Variants in DYNC1H1 observed in about 807,000 individuals in gnomAD.
DYNC1H1 encodes dynein cytoplasmic 1 heavy chain 1, also known as cytoplasmic dynein 1 heavy chain 1.
DYNC1H1 carries 51 observed loss-of-function variants against 527.1 expected under a neutral mutation model. That is an observed-to-expected ratio of 0.10 (90% CI 0.08 to 0.12). DYNC1H1 has a LOEUF of 0.12. Among genes scored for constraint, DYNC1H1 ranks in the 10% least tolerant of loss-of-function variants. The pLI is 1.00. For missense variants in DYNC1H1, 2,771 were observed against 5,971.8 expected (o/e 0.46, Z 17.66); for synonymous variants, 2,189 against 2,278.8 (o/e 0.96, Z 1.12).
Position 102,001,456 on chromosome 14 carries a change from T to C in DYNC1H1, c.4396-79T>C. On this transcript the variant is annotated intron_variant, in intron 20 of 77. Transcript: ENST00000360184. The surrounding 1 kb of genome is among the most constrained non-coding windows in gnomAD (Gnocchi z 5.0). ...GCCTTGTCATCTGTGGTCCTTTTGG[T>C]TCTTATAATGCTGGGTCCCTTGTGC... The C allele has an allele frequency of 6.2e-7, 1 of 1,613,496 alleles. No homozygotes were observed. Among genetic ancestry groups the C allele is most frequent in the Non-Finnish European group, 8.5e-7 (1 of 1,179,522 alleles).
intron 56 of DYNC1H1, chr14:102,035,306 G>T (rs1232193490): frequency 1.3e-5 from 2 of 152,204 alleles, no homozygotes; most frequent in African/African-American, 4.8e-5. Flanking sequence ...TCTGTTACAA[G>T]AACTGAAAAT....
chr14:102,038,508 GT>G lies in DYNC1H1; in HGVS notation c.10958del (p.Val3653GlyfsTer9). ...TTTGAACCCGGTGCTGAACCGTGAA[GT>G]GCGGCGAACAGGGGGGAGAGTGCTG... Reference protein sequence around the residue: ...PVLNPVLNREVRRTGGRVLIT... With the variant: ...PVLNPVLNREXRRTGGRVLIT... On this transcript the variant is annotated frameshift_variant, in exon 58 of 78. Coordinates refer to ENST00000360184, the MANE Select transcript of DYNC1H1 (RefSeq NM_001376.5). LOFTEE classifies it high-confidence loss of function. The surrounding 1 kb of genome is among the most constrained non-coding windows in gnomAD (Gnocchi z 7.2). 1 of 1,614,162 alleles carries G rather than the reference GT, an allele frequency of 6.2e-7. No homozygotes were observed. Among genetic ancestry groups the G allele is most frequent in the Non-Finnish European group, 8.5e-7 (1 of 1,180,036 alleles).
chr14:102,014,359 C>A (rs777286059), intron 34 of DYNC1H1, among the ~76,000 whole-genome samples: 1 of 152,068 alleles, frequency 6.6e-6, no homozygotes, highest in Non-Finnish European at 1.5e-5. Context: ...CATGATGAAA[C>A]CCCGTCTCTA....
rs1060502203 is a variant in DYNC1H1, at chr14:101,979,316, T to G, written c.345-3T>G. ...TAATTTCTTGTTTTATTTTTCTTTT[T>G]AGCTTGGCATTCATTAAACGTACTC... On this transcript the variant is annotated splice_polypyrimidine_tract_variant and splice_region_variant and intron_variant, in intron 2 of 77. Transcript: ENST00000360184. This position sits in a 1 kb window ranked among gnomAD's most constrained non-coding sequence, Gnocchi z 4.6. The G allele has an allele frequency of 6.2e-7, 1 of 1,613,982 alleles. No individual in the cohort carries two copies. The highest frequency in any genetic ancestry group is 8.5e-7 in the Non-Finnish European group (1 of 1,179,988).
Position 102,044,186 on chromosome 14 carries a change from G to A in DYNC1H1, c.12685-88G>A. ...GCCAAAGCCTAGCTGGCCATGGGGA[G>A]TGAGGAGGAAAGCTGTGCCCCTCGA... On this transcript the variant is annotated intron_variant, in intron 70 of 77. Coordinates refer to ENST00000360184, the MANE Select transcript of DYNC1H1 (RefSeq NM_001376.5). This position sits in a 1 kb window ranked among gnomAD's most constrained non-coding sequence, Gnocchi z 7.1. 1 of 1,587,888 alleles carries A rather than the reference G, an allele frequency of 6.3e-7. No homozygotes were observed. The highest frequency in any genetic ancestry group is 8.6e-7 in the Non-Finnish European group (1 of 1,167,950).
At position 102,044,505 on chromosome 14, in the gene DYNC1H1, T is replaced by C; in HGVS notation, c.12902+14T>C. 6.2e-7 allele frequency: 1 copy of C among 1,614,168 alleles called. No homozygotes were observed. ...AGATGGCATCAGGTATGCTGCTGCC[T>C]GCTGGAATGGAGACAGTTGTGATGT... On this transcript the variant is annotated intron_variant, in intron 71 of 77. Coordinates refer to ENST00000360184, the MANE Select transcript of DYNC1H1 (RefSeq NM_001376.5). The surrounding 1 kb of genome is among the most constrained non-coding windows in gnomAD (Gnocchi z 7.1).
rs1319945081 is a variant in DYNC1H1, at chr14:101,997,384, A to G, written c.3804+110A>G. The G allele has an allele frequency of 1.7e-5, 27 of 1,557,500 alleles. No homozygotes were observed. The East Asian group carries it at 6.0e-4, about 35-fold the overall frequency. On this transcript the variant is annotated intron_variant, in intron 16 of 77. Coordinates refer to ENST00000360184, the MANE Select transcript of DYNC1H1 (RefSeq NM_001376.5). This position sits in a 1 kb window ranked among gnomAD's most constrained non-coding sequence, Gnocchi z 4.8. ...CTGTGACTGAGCTTTCTAGTATTGAAGACTCTTTTCCTTTTTGTAGTTAAA... is the reference window on the plus strand; with the variant it reads ...CTGTGACTGAGCTTTCTAGTATTGAGGACTCTTTTCCTTTTTGTAGTTAAA...
chr14:102,046,020 T>C (rs538826839), intron 72 of DYNC1H1, among the ~76,000 whole-genome samples: 8 of 151,974 alleles, frequency 5.3e-5, no homozygotes, highest in African/African-American at 1.9e-4. Flanking sequence ...CAAAAAAAAT[T>C]AGCCGGGTGT....
At position 101,964,654 on chromosome 14, in the gene DYNC1H1, CCTT is replaced by C; in HGVS notation, c.-35_-33del. Reference sequence around the variant, plus strand: ...TGGCTGTCTCGCTGAGTCGCGGCCGCCTTCTCATCGCTCCTGGAAGGTCCCGAG... The same window carrying C: ...TGGCTGTCTCGCTGAGTCGCGGCCGCCTCATCGCTCCTGGAAGGTCCCGAG... On this transcript the variant is annotated 5_prime_UTR_variant, in exon 1 of 78. Coordinates refer to ENST00000360184, the MANE Select transcript of DYNC1H1 (RefSeq NM_001376.5). This position sits in a 1 kb window ranked among gnomAD's most constrained non-coding sequence, Gnocchi z 5.5. The C allele has an allele frequency of 6.4e-7, 1 of 1,560,344 alleles. No homozygotes were observed.
At position 102,049,909 on chromosome 14, in the gene DYNC1H1, G is replaced by A. The variant is rs775791187; in HGVS notation, c.13684+27G>A. The A allele has an allele frequency of 2.5e-6, 4 of 1,578,338 alleles. No individual in the cohort carries two copies. Among genetic ancestry groups the A allele is most frequent in the Non-Finnish European group, 8.5e-7 (1 of 1,170,128 alleles). ...TGAGTGGAGTCTCACAGAAAATACT[G>A]GCTCTTTGCAGGTGACCTCGGTGGC... is the stretch of plus-strand genomic sequence containing the variant. On this transcript the variant is annotated intron_variant, in intron 76 of 77. Transcript: ENST00000360184. The surrounding 1 kb of genome is among the most constrained non-coding windows in gnomAD (Gnocchi z 5.5).
rs2048191119 is a variant in DYNC1H1, at chr14:102,005,847, T to G, written c.5434-41T>G. 6.2e-7 allele frequency: 1 copy of G among 1,613,202 alleles called. No individual in the cohort carries two copies. Among genetic ancestry groups the G allele is most frequent in the Non-Finnish European group, 8.5e-7 (1 of 1,179,318 alleles). On this transcript the variant is annotated intron_variant, in intron 26 of 77. Transcript: ENST00000360184. This position sits in a 1 kb window ranked among gnomAD's most constrained non-coding sequence, Gnocchi z 4.0. ...AAACCCGGAGAATGCACTGTATTGC[T>G]TTAGTGTAGATGAACTTTTAAAGTG...
rs1213446100 is a variant in DYNC1H1 at position 102,039,844 on chromosome 14, A to C, written c.11690+112A>C. ...TTTTATTTTCTCTTTTATTTTCTTT[A>C]TTTTATTTTTTGAGACGGAGTCTCC... On this transcript the variant is annotated intron_variant, in intron 62 of 77. Coordinates refer to ENST00000360184, the MANE Select transcript of DYNC1H1 (RefSeq NM_001376.5). This position sits in a 1 kb window ranked among gnomAD's most constrained non-coding sequence, Gnocchi z 7.0. 13 of 1,233,718 alleles carry C rather than the reference A, an allele frequency of 1.1e-5. No individual in the cohort carries two copies. In the South Asian group the frequency reaches 1.6e-4, roughly 15 times the overall value. The allele number at this position is 1,233,718 out of a possible 1,614,324, so 76.4% of individuals were successfully genotyped here. A position where few individuals can be genotyped will look rare whatever the true frequency, so the allele number is the denominator to read the frequency against.
intron 1 of DYNC1H1, among the ~76,000 whole-genome samples, chr14:101,971,085 CTTTTTTTTTT>C (rs780745783): frequency 7.8e-5 from 5 of 64,072 alleles, no homozygotes; most frequent in African/African-American, 1.3e-4. Flanking sequence ...CCGTATCATT[CTTTTTTTTTT>C]TTTTTTTTTT....
At chr14:101,976,703 G>A (rs878932443) in intron 2 of DYNC1H1, among the ~76,000 whole-genome samples, 1 of 152,056 alleles carries the variant, frequency 6.6e-6, no homozygotes, top group Admixed American at 6.6e-5. Flanking sequence ...TCTATCTTCT[G>A]TTTGAGCTGT....
At chr14:101,988,625 C>G (rs2047962572) in intron 9 of DYNC1H1, 78 bp from the exon 10 acceptor site, 2 of 1,589,968 alleles carry the variant, frequency 1.3e-6, no homozygotes, top group Admixed American at 3.3e-5. Flanking sequence ...TCTGAAACAC[C>G]TACCACTTTC....
chr14:101,970,138 C>A (rs1177632159), intron 1 of DYNC1H1, among the ~76,000 whole-genome samples: 1 of 151,864 alleles, frequency 6.6e-6, no homozygotes, highest in Non-Finnish European at 1.5e-5. Flanking sequence ...CGGGAAATAC[C>A]AAAATGAGCT....
Position 102,036,555 on chromosome 14 carries a change from T to G in DYNC1H1, c.10821T>G (p.Arg3607=). ...TEFIMNEYKD[R]KITRTSFLDD... The stretch of plus-strand genomic sequence containing the variant: ...TCATTATGAATGAATATAAGGATCG[T>G]AAGATCACACGGACCAGCTTCCTGG... The change falls in exon 57 of 78, where the codon CGT becomes CGG. Residue 3607 remains arginine (R), a synonymous_variant. Transcript: ENST00000360184. This position sits in a 1 kb window ranked among gnomAD's most constrained non-coding sequence, Gnocchi z 5.6. 1 of 1,614,172 alleles carries G rather than the reference T, an allele frequency of 6.2e-7. No homozygotes were observed. The highest frequency in any genetic ancestry group is 8.5e-7 in the Non-Finnish European group (1 of 1,180,014).
rs751249005 is a variant in DYNC1H1, at chr14:101,983,218, C to T, written c.1161C>T (p.Asp387=). ...ALRLVEAISR[D]LSSQLLKVLG... ...GTTTGGTGGAGGCAATTTCAAGAGACTTGAGTTCTCAATTACTCAAAGTAT... is the reference window on the plus strand; with the variant it reads ...GTTTGGTGGAGGCAATTTCAAGAGATTTGAGTTCTCAATTACTCAAAGTAT... Residue 387 remains aspartate (D), a synonymous_variant, in exon 6 of 78, where the codon GAC becomes GAT. Coordinates refer to ENST00000360184, the MANE Select transcript of DYNC1H1 (RefSeq NM_001376.5). This position sits in a 1 kb window ranked among gnomAD's most constrained non-coding sequence, Gnocchi z 5.3. 26 of 1,614,186 alleles carry T rather than the reference C, an allele frequency of 1.6e-5. No individual in the cohort carries two copies. Among genetic ancestry groups the T allele is most frequent in the Non-Finnish European group, 2.2e-5 (26 of 1,180,036 alleles).
Position 101,979,251 on chromosome 14 carries a change from AT to A in DYNC1H1, c.345-63del, listed in dbSNP as rs2047835827. 2 of 1,503,808 alleles carry A rather than the reference AT, an allele frequency of 1.3e-6. No homozygotes were observed. The highest frequency in any genetic ancestry group is 3.4e-5 in the Admixed American group (2 of 58,208). 93.2% of individuals were successfully genotyped at this position (1,503,808 alleles called of 1,614,324 possible). ...CAACACTTCAGTATATTCTTGTATG[AT>A]TTTTAAATTAATAAGCCTAATTAGG... On this transcript the variant is annotated intron_variant, in intron 2 of 77. Coordinates refer to ENST00000360184, the MANE Select transcript of DYNC1H1 (RefSeq NM_001376.5). This position sits in a 1 kb window ranked among gnomAD's most constrained non-coding sequence, Gnocchi z 4.6.
Sources: gnomAD v4.1 joint callset for allele counts (sites outside exome capture counted in the v4.1 genomes callset) on GRCh38, gnomAD v4.1.1 for gene constraint, Gnocchi (gnomAD v3.1) non-coding constraint, MANE v1.5 for transcripts, NCBI Gene and HGNC (gene_info 2026-07-23, HGNC 2026-07-21) for gene names.